ANKRD36C: variants seen among roughly 807,000 people sequenced by gnomAD.
ANKRD36C encodes ankyrin repeat domain 36C.
Under a neutral mutation model 276.4 loss-of-function variants are expected in ANKRD36C, and 61 were observed. That is an observed-to-expected ratio of 0.22 (90% confidence interval 0.18 to 0.27). The LOEUF (loss-of-function observed/expected upper bound fraction) is 0.27. Among genes scored for constraint, ANKRD36C ranks in the 10% least tolerant of loss-of-function variants. The pLI is 1.00. For synonymous variants in ANKRD36C, 483 were observed against 680.1 expected (o/e 0.71, Z 4.51); for missense variants, 1,447 against 2,032.3 (o/e 0.71, Z 5.54).
chr2:95,892,310 G>A (rs1452200226), intron 44 of ANKRD36C, among the ~76,000 whole-genome samples: 2 of 151,506 alleles, frequency 1.3e-5, no homozygotes, highest in Non-Finnish European at 3.0e-5. Context: ...CAGTTAATGA[G>A]AAGGCACACA....
At chr2:95,936,880 A>G (rs1479308801) in intron 22 of ANKRD36C, among the ~76,000 whole-genome samples, 9 of 151,330 alleles carry the variant, frequency 5.9e-5, no homozygotes, top group African/African-American at 2.2e-4. Flanking sequence ...ACTTGTACAA[A>G]TTCCTTCTTC....
At chr2:95,982,665 C>T (rs1573819245) in intron 3 of ANKRD36C, among the ~76,000 whole-genome samples, 1 of 97,968 alleles carries the variant, frequency 1.0e-5, no homozygotes, top group Admixed American at 1.3e-4. Context: ...TTAATTGTTT[C>T]CCACCTGAAC....
chr2:95,958,296 C>T (rs1234135290), intron 12 of ANKRD36C, among the ~76,000 whole-genome samples: 6 of 150,398 alleles, frequency 4.0e-5, no homozygotes, highest in South Asian at 4.2e-4. Context: ...GATGGAGATA[C>T]GCTGTAGAAT....
chr2:95,914,003 T>C lies in ANKRD36C; in HGVS notation c.2551+105A>G, dbSNP rs879248948. 6 of 1,177,874 alleles carry C rather than the reference T, an allele frequency of 5.1e-6. No individual in the cohort carries two copies. In the South Asian group the frequency reaches 8.3e-5, roughly 16 times the overall value. 73.0% of individuals were successfully genotyped at this position (1,177,874 alleles called of 1,614,324 possible). ...GAAATGAAGAATCTCAGGACTGCTGTATCAGAATGTGCAGCTTCAACGAGC... is the reference window on the plus strand; with the variant it reads ...GAAATGAAGAATCTCAGGACTGCTGCATCAGAATGTGCAGCTTCAACGAGC... On this transcript the variant is annotated intron_variant, in intron 40 of 66. Coordinates refer to ENST00000456556, the Ensembl canonical transcript of ANKRD36C.
chr2:95,947,570 C>G (rs878888947), intron 17 of ANKRD36C, among the ~76,000 whole-genome samples: 2 of 152,050 alleles, frequency 1.3e-5, no homozygotes, highest in Non-Finnish European at 1.5e-5. Context: ...AAATTTGAAA[C>G]TTAGAATGAG....
At chr2:95,945,837 C>CT (rs1368154768) in intron 17 of ANKRD36C, among the ~76,000 whole-genome samples, 11 of 152,326 alleles carry the variant, frequency 7.2e-5, no homozygotes, top group African/African-American at 2.6e-4. Context: ...AGAATAGACA[C>CT]TAAAGACATG....
intron 38 of ANKRD36C, 146 bp downstream of exon 40, chr2:95,915,834 G>A (rs577777050): frequency 1.6e-4 from 186 of 1,188,908 alleles, no homozygotes; most frequent in Middle Eastern, 5.7e-4. Flanking sequence ...CAGCAACAGC[G>A]TAACCCAAGA....
Position 95,887,828 on chromosome 2 carries a change from G to A in ANKRD36C, c.3061+97C>T, listed in dbSNP as rs1676235691. ...AATGTCAGGCCTGCTGAATCAGAAT[G>A]TGCAGTTTTGATGAGCCCCGCACTG... On this transcript the variant is annotated intron_variant, in intron 50 of 66. Transcript: ENST00000456556. 107 of 1,411,542 alleles carry A rather than the reference G, an allele frequency of 7.6e-5. 1 individual carries two copies. In the South Asian group the frequency reaches 1.3e-3, roughly 17 times the overall value. The allele number at this position is 1,411,542 out of a possible 1,614,324, so 87.4% of individuals were successfully genotyped here.
chr2:95,916,153 G>A, exon 37 of ANKRD36C: 1 of 1,605,208 alleles, frequency 6.2e-7, no homozygotes, highest in Non-Finnish European at 8.5e-7. Context: ...CTTCAAGGCT[G>A]GTTTTTTCCG....
At chr2:95,923,380 G>C (rs13426104) in intron 32 of ANKRD36C, 115 bp downstream of exon 32, 7 of 1,356,916 alleles carry the variant, frequency 5.2e-6, no homozygotes, top group African/African-American at 1.5e-5. Flanking sequence ...AAGAATCTCC[G>C]GCCTGCTGAA....
intron 61 of ANKRD36C, 32 bp from the exon 82 acceptor site, chr2:95,857,524 A>T: frequency 6.5e-7 from 1 of 1,532,276 alleles, no homozygotes; most frequent in Non-Finnish European, 8.8e-7. Flanking sequence ...AATTTATCTT[A>T]TCAGTGAGGA....
At chr2:95,867,063 T>A (rs1019106814) in intron 60 of ANKRD36C, among the ~76,000 whole-genome samples, 13 of 152,304 alleles carry the variant, frequency 8.5e-5, no homozygotes, top group African/African-American at 3.1e-4. Context: ...TACAACTATA[T>A]AATTATGATT....
intron 3 of ANKRD36C, among the ~76,000 whole-genome samples, chr2:95,984,440 TG>T (rs773131908): frequency 1.3e-5 from 2 of 152,262 alleles, no homozygotes; most frequent in South Asian, 4.1e-4. Flanking sequence ...TGAGACAATT[TG>T]TAGAGGCAAA....
intron 56 of ANKRD36C, 31 bp downstream of exon 76, chr2:95,882,271 A>G: frequency 6.5e-7 from 1 of 1,548,200 alleles, no homozygotes. Context: ...TCTTGAGTGC[A>G]CATGACATTA....
chr2:95,851,697 A>G lies in ANKRD36C; in HGVS notation c.5310T>C (p.Ser1770=), dbSNP rs781650397. The stretch of plus-strand genomic sequence containing the variant: ...AGAAATTAAGAAATCAGCTTACCAA[A>G]CTTGAATGCTGCAGGATTTTCTCAA... Residue 1770 remains serine, a synonymous_variant, in exon 66 of 67, where the codon AGT becomes AGC. Transcript: ENST00000456556. The G allele has an allele frequency of 1.8e-5, 27 of 1,491,972 alleles. 2 individuals carry two copies. The South Asian group carries it at 3.0e-4, about 17-fold the overall frequency. The allele number at this position is 1,491,972 out of a possible 1,614,324, so 92.4% of individuals were successfully genotyped here.
chr2:95,971,248 C>T (rs926009154), intron 6 of ANKRD36C, among the ~76,000 whole-genome samples: 4 of 149,284 alleles, frequency 2.7e-5, no homozygotes, highest in South Asian at 2.1e-4. Flanking sequence ...ATTCTAATGG[C>T]GGGTACATTT....
At position 95,860,345 on chromosome 2, in the gene ANKRD36C, T is replaced by C. The variant is rs1451640553; in HGVS notation, c.3683-271A>G. ...GTAAAAAAAAAAAAAAACATAGTTA[T>C]GTGATTGCATAAGATAATTTGATCT... On this transcript the variant is annotated intron_variant, in intron 60 of 66. Coordinates refer to ENST00000456556, the Ensembl canonical transcript of ANKRD36C. Among the ~76,000 whole-genome samples the C allele has an allele frequency of 5.3e-5, 8 of 150,302 alleles. No individual in the cohort carries two copies. In the South Asian group the frequency reaches 8.4e-4, roughly 16 times the overall value.
intron 34 of ANKRD36C, 47 bp from the exon 37 acceptor site, chr2:95,918,089 A>C: frequency 6.3e-7 from 1 of 1,585,468 alleles, no homozygotes; most frequent in Non-Finnish European, 8.6e-7. Flanking sequence ...AAATATGATA[A>C]AGTTATCCAT....
Position 95,976,406 on chromosome 2 carries a change from G to A in ANKRD36C, c.799+1716C>T, listed in dbSNP as rs1300930524. On this transcript the variant is annotated intron_variant, in intron 6 of 66. Coordinates refer to ENST00000456556, the Ensembl canonical transcript of ANKRD36C. ...TTATGATTCCATGTTGGAGAGAGTC[G>A]GGATGTATGTGCTTTGGACAAGGTG... is the stretch of plus-strand genomic sequence containing the variant. 5.9e-5 allele frequency among the ~76,000 whole-genome samples: 9 copies of A among 152,212 alleles called. No homozygotes were observed. The South Asian group carries it at 6.2e-4, about 11-fold the overall frequency.
Sources: gnomAD v4.1 joint callset for allele counts (sites outside exome capture counted in the v4.1 genomes callset) on GRCh38, gnomAD v4.1.1 for gene constraint, MANE v1.5 for transcripts, NCBI Gene and HGNC (gene_info 2026-07-23, HGNC 2026-07-21) for gene names.